Variants in ZHX2 observed in about 807,000 individuals in gnomAD.
The protein encoded by ZHX2 is zinc fingers and homeoboxes protein 2.
ZHX2 carries 6 observed loss-of-function variants against 21.9 expected under a neutral mutation model. That is an observed-to-expected ratio of 0.27 (90% CI 0.15 to 0.54). ZHX2 has a LOEUF of 0.54. Ranked by LOEUF, ZHX2 falls within the 20% of genes least tolerant of loss-of-function variation. ZHX2 has a pLI of 0.95. For missense variants in ZHX2, 908 were observed against 1,090.7 expected, an observed-to-expected ratio of 0.83 and a Z score of 2.36; for synonymous variants, 434 against 437.1, an observed-to-expected ratio of 0.99 and a Z score of 0.09.
intron 2 of ZHX2, among the ~76,000 whole-genome samples, chr8:122,904,530 C>A (rs1483742534): frequency 6.6e-6 from 1 of 152,144 alleles, no homozygotes; most frequent in Non-Finnish European, 1.5e-5. Context: ...TGACTCCTCC[C>A]AGTCAGAGAG....
At chr8:122,901,638 G>T (rs970448321) in intron 2 of ZHX2, among the ~76,000 whole-genome samples, 3 of 151,512 alleles carry the variant, frequency 2.0e-5, no homozygotes, top group Non-Finnish European at 4.4e-5. Context: ...GTGCAGATCT[G>T]GGGGCTGCTT....
chr8:122,910,735 TG>T (rs1820458493), intron 2 of ZHX2, among the ~76,000 whole-genome samples: 3 of 137,060 alleles, frequency 2.2e-5, no homozygotes, highest in African/African-American at 8.0e-5. Context: ...AGGCCCCTGC[TG>T]GGGGGTGGGG....
chr8:122,825,786 G>T (rs760118994), intron 1 of ZHX2, among the ~76,000 whole-genome samples: 15 of 152,220 alleles, frequency 9.9e-5, no homozygotes, highest in Non-Finnish European at 2.2e-4. Flanking sequence ...TAAGTGAAAT[G>T]GAGGGCTACA....
chr8:122,867,315 C>T (rs1007402686), intron 2 of ZHX2, among the ~76,000 whole-genome samples: 13 of 152,184 alleles, frequency 8.5e-5, no homozygotes, highest in Non-Finnish European at 1.5e-4. Flanking sequence ...GGCAGTTGAG[C>T]CTTCTTACCA....
At chr8:122,942,001 C>A (rs930701843) in intron 2 of ZHX2, among the ~76,000 whole-genome samples, 6 of 152,182 alleles carry the variant, frequency 3.9e-5, no homozygotes, top group Non-Finnish European at 8.8e-5. Context: ...TCAGAAAACT[C>A]AGGAATTAAC....
chr8:122,884,165 T>C (rs141769060), intron 2 of ZHX2, among the ~76,000 whole-genome samples: 10 of 152,276 alleles, frequency 6.6e-5, no homozygotes, highest in African/African-American at 2.4e-4. Context: ...TATCTAAATA[T>C]TTTAAAAGTA....
At chr8:122,904,262 C>T (rs1403784022) in intron 2 of ZHX2, among the ~76,000 whole-genome samples, 1 of 152,190 alleles carries the variant, frequency 6.6e-6, no homozygotes, top group Non-Finnish European at 1.5e-5. Flanking sequence ...ACAGTAACTG[C>T]TCTGCTGTAG....
intron 2 of ZHX2, among the ~76,000 whole-genome samples, chr8:122,912,757 A>T (rs531059707): frequency 6.6e-6 from 1 of 152,206 alleles, no homozygotes; most frequent in East Asian, 1.9e-4. Flanking sequence ...AGCACCTACT[A>T]TGTCCCAGGT....
At chr8:122,891,997 T>A (rs1819991455) in intron 2 of ZHX2, among the ~76,000 whole-genome samples, 1 of 152,242 alleles carries the variant, frequency 6.6e-6, no homozygotes, top group African/African-American at 2.4e-5. Context: ...CTAGATGGTC[T>A]GTCCAATGCT....
chr8:122,951,256 AAG>A, intron 2 of ZHX2, 34 bp from the exon 3 acceptor site: 2 of 465,714 alleles, frequency 4.3e-6, no homozygotes, highest in Non-Finnish European at 3.8e-6. Flanking sequence ...TTGCGTTGTG[AAG>A]AGACACTGAC....
chr8:122,884,132 A>G (rs1344577697), intron 2 of ZHX2, among the ~76,000 whole-genome samples: 2 of 152,222 alleles, frequency 1.3e-5, no homozygotes, highest in Non-Finnish European at 2.9e-5. Flanking sequence ...TAACACAATG[A>G]TAACTATTTG....
Position 122,926,501 on chromosome 8 carries a change from G to A in ZHX2, c.-219-24791G>A, listed in dbSNP as rs77546602. 1.4e-3 allele frequency among the ~76,000 whole-genome samples: 216 copies of A among 152,328 alleles called. 1 individual carries two copies. Among genetic ancestry groups the A allele is most frequent in the African/African-American group, 4.2e-3 (175 of 41,570 alleles). ...TCTGTCAAGCCAGCCGCTTCAGGAC[G>A]ATGGGGAACGTGGGAAGACCAGATA... On this transcript the variant is annotated intron_variant, in intron 2 of 3. Coordinates refer to ENST00000314393, the MANE Select transcript of ZHX2 (RefSeq NM_014943.5).
At chr8:122,928,255 G>A (rs1424794317) in intron 2 of ZHX2, among the ~76,000 whole-genome samples, 4 of 152,158 alleles carry the variant, frequency 2.6e-5, no homozygotes, top group Admixed American at 6.5e-5. Flanking sequence ...ATAAGAACCC[G>A]ACAACCTTGC....
chr8:122,840,266 CCA>C (rs1438811084), intron 1 of ZHX2, among the ~76,000 whole-genome samples: 1 of 152,184 alleles, frequency 6.6e-6, no homozygotes, highest in African/African-American at 2.4e-5. Flanking sequence ...TTTACTCTTC[CCA>C]CAGTTACTCT....
At chr8:122,785,570 A>C (rs1473134853) in intron 1 of ZHX2, among the ~76,000 whole-genome samples, 5 of 152,244 alleles carry the variant, frequency 3.3e-5, no homozygotes, top group Non-Finnish European at 5.9e-5. Context: ...TTCTGTCTTT[A>C]GCTCATTGAC....
intron 2 of ZHX2, among the ~76,000 whole-genome samples, chr8:122,885,694 A>G (rs1443259358): frequency 1.3e-5 from 2 of 152,200 alleles, no homozygotes; most frequent in Non-Finnish European, 2.9e-5. Context: ...GGATTTTAGC[A>G]TGCACTAAGC....
intron 2 of ZHX2, among the ~76,000 whole-genome samples, chr8:122,900,278 C>A (rs1296275919): frequency 6.6e-6 from 1 of 152,156 alleles, no homozygotes; most frequent in Non-Finnish European, 1.5e-5. Context: ...GCTACTTACA[C>A]TCATGGTGAA....
At chr8:122,866,954 A>G (rs955623009) in intron 2 of ZHX2, among the ~76,000 whole-genome samples, 1 of 150,766 alleles carries the variant, frequency 6.6e-6, no homozygotes, top group African/African-American at 2.4e-5. Flanking sequence ...CTTCCCAAGT[A>G]GCTGGGATTA....
rs116181051 is a variant in ZHX2 at position 122,938,486 on chromosome 8, C to T, written c.-219-12806C>T. On this transcript the variant is annotated intron_variant, in intron 2 of 3. Coordinates refer to ENST00000314393, the MANE Select transcript of ZHX2 (RefSeq NM_014943.5). ...TTCACCAAGAAGGATGGAGAGGAGA[C>T]GGATGAGAAGAGCCAAGGGCATGGC... Among the ~76,000 whole-genome samples the T allele has an allele frequency of 3.4e-3, 511 of 151,936 alleles. 1 individual carries two copies. The highest frequency in any genetic ancestry group is 0.012 in the African/African-American group (480 of 41,402).
Sources: gnomAD v4.1 joint callset for allele counts (sites outside exome capture counted in the v4.1 genomes callset) on GRCh38, gnomAD v4.1.1 for gene constraint, MANE v1.5 for transcripts, NCBI Gene and HGNC (gene_info 2026-07-23, HGNC 2026-07-21) for gene names.